The following B3GALT1 variants were observed in gnomAD, a reference collection of about 807,000 sequenced individuals.
B3GALT1 encodes UDP-Gal:betaGlcNAc beta 1,3-galactosyltransferase, polypeptide 1.
A neutral mutation model predicts 23.2 loss-of-function variants in B3GALT1; 10 were observed. The ratio of observed to expected loss-of-function variants is 0.43; its 90% CI spans 0.27 to 0.73. The LOEUF (loss-of-function observed/expected upper bound fraction) is 0.73. Ranked by LOEUF, B3GALT1 falls within the 30% of genes least tolerant of loss-of-function variation. The pLI, the probability that B3GALT1 is intolerant of heterozygous loss-of-function variation, is 0.21. For synonymous variants in B3GALT1, 156 were observed against 141.5 expected, an observed-to-expected ratio of 1.10 and a Z score of -0.73; for missense variants, 299 against 405.4, an observed-to-expected ratio of 0.74 and a Z score of 2.25.
chr2:167,416,551 G>A (rs149042072), intron 1 of B3GALT1, among the ~76,000 whole-genome samples: 15 of 152,332 alleles, frequency 9.8e-5, no homozygotes, highest in African/African-American at 3.1e-4. Flanking sequence ...GTGGAAATGC[G>A]GGGTTAGAGT....
intron 2 of B3GALT1, among the ~76,000 whole-genome samples, chr2:167,554,912 T>G (rs1392573907): frequency 6.6e-6 from 1 of 152,198 alleles, no homozygotes; most frequent in Non-Finnish European, 1.5e-5. Context: ...AAACTCATCA[T>G]AAAACATGTT....
At chr2:167,649,173 G>T (rs1480640045) in intron 3 of B3GALT1, among the ~76,000 whole-genome samples, 1 of 151,828 alleles carries the variant, frequency 6.6e-6, no homozygotes, top group African/African-American at 2.4e-5. Flanking sequence ...AAAAATGTTT[G>T]ATTTACTTTT....
intron 2 of B3GALT1, among the ~76,000 whole-genome samples, chr2:167,568,685 TC>T (rs1262589288): frequency 6.6e-6 from 1 of 152,082 alleles, no homozygotes; most frequent in Non-Finnish European, 1.5e-5. Flanking sequence ...ACTTGTCTTC[TC>T]ATTCTCTTGA....
intron 1 of B3GALT1, among the ~76,000 whole-genome samples, chr2:167,468,819 C>T (rs991104825): frequency 7.2e-5 from 11 of 152,006 alleles, no homozygotes; most frequent in Non-Finnish European, 2.9e-5. Context: ...TGCAGTGAGC[C>T]GAGATTGTGC....
rs149374490 is a variant in B3GALT1, at chr2:167,343,355, A to G, written c.-511+50021A>G. Reference sequence around the variant, plus strand: ...ATATAATCAATGTTAAATAAAAGCAATTTATCACTATGAATATATTTTTCT... The same window carrying G: ...ATATAATCAATGTTAAATAAAAGCAGTTTATCACTATGAATATATTTTTCT... On this transcript the variant is annotated intron_variant, in intron 1 of 4. Coordinates refer to ENST00000392690, the MANE Select transcript of B3GALT1 (RefSeq NM_020981.4). Among the ~76,000 whole-genome samples the G allele has an allele frequency of 5.3e-5, 8 of 152,312 alleles. No homozygotes were observed. In the East Asian group the frequency reaches 1.5e-3, roughly 29 times the overall value.
intron 1 of B3GALT1, among the ~76,000 whole-genome samples, chr2:167,396,445 C>T (rs1311898253): frequency 1.3e-5 from 2 of 151,250 alleles, no homozygotes; most frequent in African/African-American, 2.4e-5. Context: ...ATTTAGAACT[C>T]TCAAAAAAGT....
At chr2:167,630,672 C>G (rs1230866556) in intron 2 of B3GALT1, among the ~76,000 whole-genome samples, 2 of 151,164 alleles carry the variant, frequency 1.3e-5, no homozygotes, top group Non-Finnish European at 3.0e-5. Flanking sequence ...ATGGAATCAT[C>G]AAATAGGGCA....
At chr2:167,397,163 TTGA>T (rs1343189234) in intron 1 of B3GALT1, among the ~76,000 whole-genome samples, 2 of 152,064 alleles carry the variant, frequency 1.3e-5, no homozygotes, top group East Asian at 1.9e-4. Context: ...TTTTGTATGA[TTGA>T]TGATCTCTTA....
At chr2:167,501,870 A>G (rs746992049) in intron 2 of B3GALT1, among the ~76,000 whole-genome samples, 3 of 152,202 alleles carry the variant, frequency 2.0e-5, no homozygotes, top group Non-Finnish European at 4.4e-5. Context: ...AGACAAGTAC[A>G]TGAATGAATT....
At chr2:167,532,070 A>T (rs1164867319) in intron 2 of B3GALT1, among the ~76,000 whole-genome samples, 3 of 151,964 alleles carry the variant, frequency 2.0e-5, no homozygotes, top group African/African-American at 7.3e-5. Flanking sequence ...ATTGGATCTC[A>T]TTGTTGTTTT....
Position 167,684,674 on chromosome 2 carries a change from T to A in B3GALT1, c.-352+37708T>A, listed in dbSNP as rs567785195. 3.9e-4 allele frequency among the ~76,000 whole-genome samples: 60 copies of A among 152,218 alleles called. 1 individual carries two copies. The highest frequency in any genetic ancestry group is 8.5e-4 in the Non-Finnish European group (58 of 68,036). On this transcript the variant is annotated intron_variant, in intron 3 of 4. Transcript: ENST00000392690. The stretch of plus-strand genomic sequence containing the variant: ...TGATATTTTGTAACACTAATCAAAA[T>A]CCAATGGCTTTAGCCACATAGCATT...
At position 167,572,446 on chromosome 2, in the gene B3GALT1, C is replaced by T. The variant is rs533896382; in HGVS notation, c.-409-74463C>T. Among the ~76,000 whole-genome samples, 18 of 151,898 alleles carry T rather than the reference C, an allele frequency of 1.2e-4. No individual in the cohort carries two copies. The East Asian group carries it at 2.9e-3, about 24-fold the overall frequency. On this transcript the variant is annotated intron_variant, in intron 2 of 4. Transcript: ENST00000392690. ...ATTTGGGATGTAGAGTGAACAGATG[C>T]TTTGCTTCCTTTCTTAGTTTGTTGA...
chr2:167,625,241 A>C (rs1685321515), intron 2 of B3GALT1, among the ~76,000 whole-genome samples: 1 of 151,964 alleles, frequency 6.6e-6, no homozygotes, highest in African/African-American at 2.4e-5. Flanking sequence ...AATATAGACC[A>C]GTCTGCAACT....
At chr2:167,636,189 T>A (rs1685551166) in intron 2 of B3GALT1, among the ~76,000 whole-genome samples, 1 of 151,948 alleles carries the variant, frequency 6.6e-6, no homozygotes, top group Admixed American at 6.6e-5. Flanking sequence ...CTCAGAGCAA[T>A]ATTAACTTTA....
intron 2 of B3GALT1, among the ~76,000 whole-genome samples, chr2:167,529,423 C>T (rs1009653592): frequency 6.6e-6 from 1 of 151,846 alleles, no homozygotes; most frequent in African/African-American, 2.4e-5. Flanking sequence ...ACATTCTTGA[C>T]ATTTGCCTCT....
At chr2:167,459,321 A>G (rs985729255) in intron 1 of B3GALT1, among the ~76,000 whole-genome samples, 2 of 152,162 alleles carry the variant, frequency 1.3e-5, no homozygotes, top group African/African-American at 4.8e-5. Flanking sequence ...TACAGTTAAC[A>G]TCCTAAAGTT....
chr2:167,748,721 C>A (rs1054012202), intron 3 of B3GALT1, among the ~76,000 whole-genome samples: 12 of 152,266 alleles, frequency 7.9e-5, no homozygotes, highest in African/African-American at 2.9e-4. Context: ...TTCTGTTAGT[C>A]ACATTGAACA....
chr2:167,381,999 T>C (rs967871759), intron 1 of B3GALT1, among the ~76,000 whole-genome samples: 1 of 152,226 alleles, frequency 6.6e-6, no homozygotes, highest in Non-Finnish European at 1.5e-5. Flanking sequence ...AACTGTGTTT[T>C]ATTGGAAGTT....
chr2:167,569,005 C>T (rs958975827), intron 2 of B3GALT1, among the ~76,000 whole-genome samples: 8 of 151,800 alleles, frequency 5.3e-5, no homozygotes, highest in African/African-American at 1.2e-4. Context: ...GTATTTTCAT[C>T]GTTCCTTTTT....
Sources: allele counts gnomAD v4.1 joint callset (sites outside exome capture counted in the v4.1 genomes callset), GRCh38; gene constraint gnomAD v4.1.1; transcripts MANE v1.5; gene names NCBI Gene and HGNC (gene_info 2026-07-23, HGNC 2026-07-21).